RARB: variants seen among roughly 807,000 people sequenced by gnomAD.
RARB encodes the protein HBV-activated protein.
A neutral mutation model predicts 51.9 loss-of-function variants in RARB; 17 were observed. The observed-to-expected ratio is 0.33, with a 90% CI of 0.22 to 0.49. The LOEUF (loss-of-function observed/expected upper bound fraction) is 0.49. RARB is among the 20% of genes least tolerant of loss of function. The probability of loss-of-function intolerance (pLI) is 0.99; values close to 1 mark genes in which losing one functional copy is unlikely to be tolerated. For synonymous variants in RARB, 215 were observed against 195.4 expected, an observed-to-expected ratio of 1.10 and a Z score of -0.84; for missense variants, 369 against 550.8, an observed-to-expected ratio of 0.67 and a Z score of 3.30.
At chr3:24,912,975 CTTTTTT>C (rs386396163) in intron 2 of RARB, among the ~76,000 whole-genome samples, 10 of 75,066 alleles carry the variant, frequency 1.3e-4, no homozygotes, top group Non-Finnish European at 1.8e-4. Context: ...GGTACTGATT[CTTTTTT>C]TTTTTTTTTT....
intron 2 of RARB, among the ~76,000 whole-genome samples, chr3:24,968,182 C>A (rs75390874): frequency 2.8e-3 from 426 of 152,244 alleles, no homozygotes; most frequent in African/African-American, 9.6e-3. Flanking sequence ...GGCAATTAAG[C>A]ATGTGCTACA....
Position 25,153,430 on chromosome 3 carries a change from G to A in RARB, c.-279-20689G>A, listed in dbSNP as rs369380872. On this transcript the variant is annotated intron_variant, in intron 4 of 11. Coordinates refer to the RARB transcript ENST00000383772. ...GAGATAATTTCTTTATCGAGTTACC[G>A]CCATAAAGTACACTGACTTTAGTCC... 6.4e-4 allele frequency among the ~76,000 whole-genome samples: 97 copies of A among 152,110 alleles called. No homozygotes were observed. The South Asian group carries it at 8.9e-3, about 14-fold the overall frequency.
chr3:25,002,468 C>A (rs559609207), intron 2 of RARB, among the ~76,000 whole-genome samples: 1 of 152,162 alleles, frequency 6.6e-6, no homozygotes, highest in Non-Finnish European at 1.5e-5. Flanking sequence ...TCATCCAGGT[C>A]AAAATGCCCT....
intron 5 of RARB, among the ~76,000 whole-genome samples, chr3:25,394,313 C>T (rs1707056427): frequency 6.6e-6 from 1 of 151,980 alleles, no homozygotes; most frequent in South Asian, 2.1e-4. Context: ...ATTTTGTGAC[C>T]TAATATATGG....
intron 5 of RARB, among the ~76,000 whole-genome samples, chr3:25,190,167 C>A (rs778288096): frequency 6.7e-6 from 1 of 149,004 alleles, no homozygotes; most frequent in Non-Finnish European, 1.5e-5. Flanking sequence ...CTAGAACTTT[C>A]CCATGGAAGG....
At chr3:25,362,181 C>G (rs1705961856) in intron 5 of RARB, among the ~76,000 whole-genome samples, 1 of 152,162 alleles carries the variant, frequency 6.6e-6, no homozygotes, top group African/African-American at 2.4e-5. Context: ...TCAGTAATGC[C>G]CTGCCCAGAG....
At chr3:24,988,637 A>G (rs566013096) in intron 2 of RARB, among the ~76,000 whole-genome samples, 89 of 152,228 alleles carry the variant, frequency 5.8e-4, no homozygotes, top group Non-Finnish European at 1.1e-3. Flanking sequence ...TTACCTTAAT[A>G]CTATCCCACT....
At chr3:24,929,301 T>A (rs1695391817) in intron 2 of RARB, among the ~76,000 whole-genome samples, 1 of 152,094 alleles carries the variant, frequency 6.6e-6, no homozygotes, top group Non-Finnish European at 1.5e-5. Flanking sequence ...TTAGAGTGCA[T>A]AGTGAAATCT....
intron 5 of RARB, among the ~76,000 whole-genome samples, chr3:25,315,836 C>A (rs1016163018): frequency 2.0e-5 from 3 of 151,842 alleles, no homozygotes; most frequent in African/African-American, 4.8e-5. Context: ...CCAGGCTGGT[C>A]TCAAACTCCT....
chr3:24,889,152 C>A (rs1025548302), intron 2 of RARB, among the ~76,000 whole-genome samples: 1 of 152,168 alleles, frequency 6.6e-6, no homozygotes, highest in African/African-American at 2.4e-5. Flanking sequence ...TCAAAATCTG[C>A]AGAAATGCCA....
At chr3:25,169,834 A>G (rs1700613629) in intron 4 of RARB, among the ~76,000 whole-genome samples, 1 of 152,018 alleles carries the variant, frequency 6.6e-6, no homozygotes, top group South Asian at 2.1e-4. Flanking sequence ...CAAAAAATAC[A>G]AAAATTAGCT....
intron 3 of RARB, among the ~76,000 whole-genome samples, chr3:25,534,223 G>A (rs1699043502): frequency 6.6e-6 from 1 of 152,170 alleles, no homozygotes; most frequent in Non-Finnish European, 1.5e-5. Context: ...CTAAGACTTT[G>A]AGCAAATAAC....
chr3:25,404,475 T>C (rs1403602076), intron 5 of RARB, among the ~76,000 whole-genome samples: 1 of 152,178 alleles, frequency 6.6e-6, no homozygotes, highest in Non-Finnish European at 1.5e-5. Context: ...TTTAATATTC[T>C]CCATTTTTAT....
At chr3:25,184,565 G>C (rs1370589663) in intron 5 of RARB, among the ~76,000 whole-genome samples, 2 of 152,080 alleles carry the variant, frequency 1.3e-5, no homozygotes, top group Non-Finnish European at 2.9e-5. Context: ...AATGGAGTGA[G>C]AGAGGTGGCT....
chr3:24,840,467 G>A (rs1036750602), intron 1 of RARB, among the ~76,000 whole-genome samples: 5 of 152,164 alleles, frequency 3.3e-5, no homozygotes, highest in South Asian at 2.1e-4. Flanking sequence ...CTGTGGGTTC[G>A]TAGTGACAGT....
chr3:25,225,884 C>T (rs939987662), intron 5 of RARB, among the ~76,000 whole-genome samples: 4 of 152,178 alleles, frequency 2.6e-5, no homozygotes, highest in African/African-American at 9.6e-5. Flanking sequence ...ACCCAACAAC[C>T]TTGCACCCAT....
chr3:25,495,308 C>T (rs763122214), intron 2 of RARB, among the ~76,000 whole-genome samples: 1 of 152,152 alleles, frequency 6.6e-6, no homozygotes, highest in Non-Finnish European at 1.5e-5. Context: ...GGAGATGAAC[C>T]ACTTTTTTCC....
intron 2 of RARB, among the ~76,000 whole-genome samples, chr3:24,928,601 T>A (rs1425105164): frequency 6.6e-6 from 1 of 152,090 alleles, no homozygotes; most frequent in Non-Finnish European, 1.5e-5. Context: ...GTGGTTGTGT[T>A]TTCTCAGCTT....
chr3:25,321,011 G>A (rs1704555033), intron 5 of RARB, among the ~76,000 whole-genome samples: 1 of 152,182 alleles, frequency 6.6e-6, no homozygotes, highest in Non-Finnish European at 1.5e-5. Context: ...AGGCCTATAA[G>A]TCCATCAAAG....
Sources: allele counts gnomAD v4.1 joint callset (sites outside exome capture counted in the v4.1 genomes callset), GRCh38; gene constraint gnomAD v4.1.1; transcripts MANE v1.5; gene names NCBI Gene and HGNC (gene_info 2026-07-23, HGNC 2026-07-21).